Variants in DYM observed in about 807,000 individuals in gnomAD.
The protein encoded by DYM is dyggve-Melchior-Clausen syndrome protein.
In DYM, 78 loss-of-function variants were observed where a neutral mutation model predicts 93.1. The observed-to-expected ratio is 0.84, with a 90% CI of 0.70 to 1.01. DYM has a LOEUF of 1.01. Ranked by LOEUF, DYM falls within the 50% of genes least tolerant of loss-of-function variation. The pLI is 0.00. For synonymous variants in DYM, 321 were observed against 319.7 expected, an observed-to-expected ratio of 1.00 and a Z score of -0.04; for missense variants, 789 against 845.0, an observed-to-expected ratio of 0.93 and a Z score of 0.82.
intron 10 of DYM, among the ~76,000 whole-genome samples, chr18:49,277,169 G>A (rs1391337165): frequency 6.6e-6 from 1 of 152,140 alleles, no homozygotes; most frequent in Non-Finnish European, 1.5e-5. Context: ...GTCTGGGGCA[G>A]CTGGATACAT....
intron 15 of DYM, among the ~76,000 whole-genome samples, chr18:49,137,679 C>G (rs545975798): frequency 1.4e-4 from 21 of 152,126 alleles, no homozygotes; most frequent in Non-Finnish European, 2.9e-4. Flanking sequence ...TTATAAATAA[C>G]AGATAGTTTT....
intron 17 of DYM, among the ~76,000 whole-genome samples, chr18:49,079,718 G>T (rs2077628304): frequency 2.0e-5 from 3 of 151,380 alleles, no homozygotes; most frequent in Admixed American, 2.0e-4. Flanking sequence ...CACAGGGTTG[G>T]GGGTAAGGTC....
At chr18:49,160,196 C>G (rs193066615) in intron 15 of DYM, among the ~76,000 whole-genome samples, 6 of 152,258 alleles carry the variant, frequency 3.9e-5, no homozygotes, top group East Asian at 1.9e-4. Context: ...TTCTCTCCCC[C>G]CACAGGCTTG....
intron 2 of DYM, among the ~76,000 whole-genome samples, chr18:49,423,541 G>C (rs1324274096): frequency 6.6e-6 from 1 of 152,142 alleles, no homozygotes; most frequent in South Asian, 2.1e-4. Flanking sequence ...AAATAACTAA[G>C]ATCGGAGCAG....
At chr18:49,274,320 G>A (rs958179428) in intron 10 of DYM, among the ~76,000 whole-genome samples, 3 of 152,064 alleles carry the variant, frequency 2.0e-5, no homozygotes, top group South Asian at 2.1e-4. Context: ...GTATGTATCA[G>A]GATCTCATTC....
In DYM at chr18:49,331,847, A is replaced by T; in HGVS notation, c.763+17T>A. On this transcript the variant is annotated intron_variant, in intron 8 of 17. Transcript: ENST00000675505. ...TTTATGTGCACCAAAGAATTGAAAA[A>T]ATCTGATAAAACTTACTTGCTACTC... 1 of 1,613,942 alleles carries T rather than the reference A, an allele frequency of 6.2e-7. No homozygotes were observed. Among genetic ancestry groups the T allele is most frequent in the Non-Finnish European group, 8.5e-7 (1 of 1,179,906 alleles).
chr18:49,209,799 C>A, intron 13 of DYM, 84 bp from the exon 14 acceptor site: 1 of 944,542 alleles, frequency 1.1e-6, no homozygotes, highest in Non-Finnish European at 1.3e-6. Context: ...GTCCTCAAAG[C>A]TTTCTGTGTA....
intron 13 of DYM, among the ~76,000 whole-genome samples, chr18:49,234,194 C>G (rs1207238633): frequency 5.3e-5 from 8 of 151,970 alleles, no homozygotes; most frequent in Non-Finnish European, 1.5e-5. Flanking sequence ...GTGGCTCATG[C>G]CTGTAATCTC....
At chr18:49,427,899 G>A (rs2074436384) in intron 2 of DYM, among the ~76,000 whole-genome samples, 1 of 151,984 alleles carries the variant, frequency 6.6e-6, no homozygotes, top group South Asian at 2.1e-4. Context: ...ACCAGCCTGG[G>A]CAACATGGCA....
intron 1 of DYM, among the ~76,000 whole-genome samples, chr18:49,448,918 G>C (rs1029720169): frequency 6.6e-6 from 1 of 152,186 alleles, no homozygotes; most frequent in Non-Finnish European, 1.5e-5. Context: ...GGCCCAAAGA[G>C]AATAATTCCC....
intron 17 of DYM, among the ~76,000 whole-genome samples, chr18:49,083,515 C>T (rs117365409): frequency 0.03 from 4,498 of 151,970 alleles, 128 homozygotes; most frequent in Non-Finnish European, 0.044. Flanking sequence ...ATACTGGCCT[C>T]CCTGAATGAG....
intron 17 of DYM, among the ~76,000 whole-genome samples, chr18:49,083,807 C>A (rs2078261402): frequency 6.6e-6 from 1 of 151,960 alleles, no homozygotes; most frequent in African/African-American, 2.4e-5. Context: ...ATATTGTATT[C>A]CTTTATATTT....
intron 14 of DYM, among the ~76,000 whole-genome samples, chr18:49,172,765 C>G (rs189304615): frequency 2.0e-4 from 31 of 152,060 alleles, no homozygotes; most frequent in Non-Finnish European, 1.9e-4. Context: ...TTTTGAAGAG[C>G]AAAAATTTTA....
intron 13 of DYM, among the ~76,000 whole-genome samples, chr18:49,247,497 G>A (rs2094198279): frequency 2.0e-5 from 3 of 152,138 alleles, no homozygotes; most frequent in Admixed American, 1.3e-4. Flanking sequence ...TCATGGCTAA[G>A]AGGACAAAGT....
At chr18:49,151,978 AAG>A (rs1358715589) in intron 15 of DYM, among the ~76,000 whole-genome samples, 8 of 152,198 alleles carry the variant, frequency 5.3e-5, no homozygotes, top group Admixed American at 3.9e-4. Flanking sequence ...CTAGAATGGA[AAG>A]AGGGGGAAAG....
At chr18:49,148,333 A>C (rs1465576234) in intron 15 of DYM, among the ~76,000 whole-genome samples, 7 of 152,268 alleles carry the variant, frequency 4.6e-5, no homozygotes, top group Middle Eastern at 3.4e-3. Context: ...CCTAAAACTT[A>C]AAGTATAATT....
chr18:49,179,317 A>G (rs1237822949), intron 14 of DYM, among the ~76,000 whole-genome samples: 1 of 152,162 alleles, frequency 6.6e-6, no homozygotes, highest in African/African-American at 2.4e-5. Context: ...AGGAGATTTG[A>G]CCAATATTCA....
intron 7 of DYM, 146 bp downstream of exon 7, chr18:49,333,582 C>T (rs2063462431): frequency 1.2e-6 from 1 of 841,424 alleles, no homozygotes; most frequent in African/African-American, 1.7e-5. Context: ...AATGCGGTTC[C>T]CTATGCACTG....
chr18:49,269,366 T>C (rs2094632375), intron 11 of DYM, among the ~76,000 whole-genome samples: 1 of 152,168 alleles, frequency 6.6e-6, no homozygotes, highest in Admixed American at 6.5e-5. Context: ...GGTGGAAATG[T>C]AGATTGGAGC....
Sources: allele counts gnomAD v4.1 joint callset (sites outside exome capture counted in the v4.1 genomes callset), GRCh38; gene constraint gnomAD v4.1.1; transcripts MANE v1.5; gene names NCBI Gene and HGNC (gene_info 2026-07-23, HGNC 2026-07-21).